The following CDK12 variants were observed in gnomAD, a reference collection of about 807,000 sequenced individuals.
The protein encoded by CDK12 is cyclin-dependent kinase 12.
Under a neutral mutation model 133.8 loss-of-function variants are expected in CDK12, and 17 were observed. The observed-to-expected ratio is 0.13, with a 90% confidence interval of 0.09 to 0.19. CDK12 has a LOEUF of 0.19. Among genes scored for constraint, CDK12 ranks in the 10% least tolerant of loss-of-function variants. The pLI, the probability that CDK12 is intolerant of heterozygous loss-of-function variation, is 1.00. For missense variants in CDK12, 1,508 were observed against 1,818.7 expected, an observed-to-expected ratio of 0.83 and a Z score of 3.11; for synonymous variants, 694 against 683.6, an observed-to-expected ratio of 1.02 and a Z score of -0.24.
chr17:39,465,641 A>G (rs923206117), intron 1 of CDK12, among the ~76,000 whole-genome samples: 15 of 151,776 alleles, frequency 9.9e-5, no homozygotes, highest in Admixed American at 9.2e-4. Context: ...AGCGCCCACC[A>G]TCACATCTGG....
intron 9 of CDK12, among the ~76,000 whole-genome samples, 188 bp downstream of exon 9, chr17:39,515,996 A>C (rs1008324555): frequency 6.6e-6 from 1 of 152,212 alleles, no homozygotes; most frequent in African/African-American, 2.4e-5. Flanking sequence ...TATTTCACCT[A>C]ATTTTTAGAT....
upstream of CDK12, among the ~76,000 whole-genome samples, chr17:39,547,281 A>C (rs1450866668): frequency 2.6e-5 from 4 of 151,976 alleles, no homozygotes; most frequent in African/African-American, 9.7e-5. Flanking sequence ...GATTACAGGC[A>C]TGCGCCACTA....
At chr17:39,486,593 C>T (rs762782787) in intron 2 of CDK12, among the ~76,000 whole-genome samples, 1 of 152,000 alleles carries the variant, frequency 6.6e-6, no homozygotes, top group African/African-American at 2.4e-5. Flanking sequence ...CTAGTGAAGC[C>T]AAACCAAGAA....
At chr17:39,479,920 C>T (rs1256822187) in intron 2 of CDK12, among the ~76,000 whole-genome samples, 2 of 82,626 alleles carry the variant, frequency 2.4e-5, no homozygotes, top group South Asian at 5.0e-4. Flanking sequence ...AGTCACTGCA[C>T]TGGCTTTTTT....
At chr17:39,541,180 C>T (rs1052910966) in intron 1 of CDK12, among the ~76,000 whole-genome samples, 70 of 150,224 alleles carry the variant, frequency 4.7e-4, no homozygotes, top group African/African-American at 1.5e-3. Flanking sequence ...GGATTAGCAG[C>T]TACTACTTAT....
intron 1 of CDK12, among the ~76,000 whole-genome samples, chr17:39,465,526 G>A (rs2049243077): frequency 6.7e-6 from 1 of 149,766 alleles, no homozygotes; most frequent in South Asian, 2.1e-4. Context: ...TTGTTTTGTT[G>A]CCCAGGCTGG....
intron 5 of CDK12, among the ~76,000 whole-genome samples, chr17:39,497,742 A>G (rs2052239592): frequency 6.6e-6 from 1 of 152,000 alleles, no homozygotes; most frequent in African/African-American, 2.4e-5. Context: ...TAGCTGGGGC[A>G]ACAGGCATGC....
rs778522020 is a variant in CDK12 at position 39,531,084 on chromosome 17, C to T, written c.4241C>T (p.Pro1414Leu). ...RFARVPLALHPVVGQPFLKAE... is the reference protein window; with the variant it reads ...RFARVPLALHLVVGQPFLKAE... The stretch of plus-strand genomic sequence containing the variant: ...GCCAGGGTCCCCTTAGCGTTACACC[C>T]GGTGGTCGGGCAACCATTCCTGAAG... The change falls in exon 14 of 14, where the codon CCG (proline) becomes CTG (leucine). Residue 1414 changes from proline to leucine, a missense_variant. Around this residue, in one of 9 missense-constraint regions of CDK12, gnomAD observed 114 missense variants for 101.2 expected, o/e 1.13. Coordinates refer to ENST00000447079, the MANE Select transcript of CDK12 (RefSeq NM_016507.4). The T allele has an allele frequency of 3.8e-6, 6 of 1,598,228 alleles. No homozygotes were observed. The highest frequency in any genetic ancestry group is 5.1e-6 in the Non-Finnish European group (6 of 1,173,394).
intron 2 of CDK12, among the ~76,000 whole-genome samples, chr17:39,472,017 T>C (rs2049832650): frequency 6.6e-6 from 1 of 152,162 alleles, no homozygotes; most frequent in Non-Finnish European, 1.5e-5. Flanking sequence ...ATGGTCTTGC[T>C]CTGTCGCCCA....
chr17:39,561,946 T>A (rs1369434658), intron 3 of CDK12, among the ~76,000 whole-genome samples: 4 of 152,150 alleles, frequency 2.6e-5, no homozygotes, highest in South Asian at 4.2e-4. Context: ...TTATTTATTT[T>A]TTTATTTTTT....
chr17:39,542,096 A>G (rs2055446655), intron 1 of CDK12, among the ~76,000 whole-genome samples: 1 of 152,032 alleles, frequency 6.6e-6, no homozygotes, highest in Non-Finnish European at 1.5e-5. Context: ...TTGAGGAGGG[A>G]GAGAGAGATT....
chr17:39,500,373 C>G (rs1256403746), intron 5 of CDK12, among the ~76,000 whole-genome samples: 2 of 152,000 alleles, frequency 1.3e-5, no homozygotes, highest in Non-Finnish European at 1.5e-5. Context: ...TGGCTGACGC[C>G]TGTAATCCCA....
At position 39,490,629 on chromosome 17, in the gene CDK12, C is replaced by A. The variant is rs766902986; in HGVS notation, c.2004C>A (p.Asp668Glu). The A allele has an allele frequency of 1.9e-6, 3 of 1,613,516 alleles. No individual in the cohort carries two copies. The highest frequency in any genetic ancestry group is 2.5e-6 in the Non-Finnish European group (3 of 1,179,532). The change falls in exon 3 of 14, where the codon GAC becomes GAA. Residue 668 changes from aspartate (D) to glutamate (E), a missense_variant. By Grantham distance (45) the Asp-to-Glu change is conservative. Transcript: ENST00000447079. Reference sequence around the variant, plus strand: ...AGAGGACACGTCACTTACTCACAGACCTTCCTCTCCCTCCAGAGCTCCCTG... The same window carrying A: ...AGAGGACACGTCACTTACTCACAGAACTTCCTCTCCCTCCAGAGCTCCCTG... ...KEQRTRHLLTDLPLPPELPGG... is the reference protein window; with the variant it reads ...KEQRTRHLLTELPLPPELPGG...
At position 39,530,593 on chromosome 17, in the gene CDK12, C is replaced by A; in HGVS notation, c.3761-11C>A. On this transcript the variant is annotated splice_polypyrimidine_tract_variant and intron_variant, in intron 13 of 13. Transcript: ENST00000447079. ...TTAAGATGGTGTTTAAAAGAAGTAA[C>A]CCTTCCACAGCATGTCCTCCTCACA... 1.3e-6 allele frequency: 2 copies of A among 1,563,018 alleles called. No homozygotes were observed. The highest frequency in any genetic ancestry group is 1.7e-6 in the Non-Finnish European group (2 of 1,154,230).
chr17:39,566,522 C>T (rs1474006073), downstream of CDK12, among the ~76,000 whole-genome samples: 1 of 152,108 alleles, frequency 6.6e-6, no homozygotes, highest in Non-Finnish European at 1.5e-5. Context: ...TTTCGGCAGT[C>T]AGCACCTTTG....
At chr17:39,464,713 A>G (rs1218941141) in intron 1 of CDK12, among the ~76,000 whole-genome samples, 1 of 151,896 alleles carries the variant, frequency 6.6e-6, no homozygotes, top group African/African-American at 2.4e-5. Flanking sequence ...ACACCCATAT[A>G]TGTAACAGCA....
At chr17:39,474,556 C>G (rs555916017) in intron 2 of CDK12, among the ~76,000 whole-genome samples, 1 of 152,254 alleles carries the variant, frequency 6.6e-6, no homozygotes, top group South Asian at 2.1e-4. Context: ...CTCAAGTGAT[C>G]CGCTTGCTTT....
At chr17:39,554,555 C>T (rs1288554133) in intron 2 of CDK12, among the ~76,000 whole-genome samples, 1 of 152,148 alleles carries the variant, frequency 6.6e-6, no homozygotes, top group Admixed American at 6.6e-5. Flanking sequence ...GGACTCCAGT[C>T]CCAGGGGCCT....
At chr17:39,557,404 G>T (rs1377505292) in intron 3 of CDK12, among the ~76,000 whole-genome samples, 1 of 152,044 alleles carries the variant, frequency 6.6e-6, no homozygotes, top group Non-Finnish European at 1.5e-5. Flanking sequence ...TGACACCTTG[G>T]GGTAGATCCA....
Sources: gnomAD v4.1 joint callset for allele counts (sites outside exome capture counted in the v4.1 genomes callset) on GRCh38, gnomAD v4.1.1 for gene constraint, gnomAD v4.1.1 regional missense constraint, MANE v1.5 for transcripts, NCBI Gene and HGNC (gene_info 2026-07-23, HGNC 2026-07-21) for gene names.